Variants in CREG2 observed in about 807,000 individuals in gnomAD.
CREG2 encodes protein CREG2.
CREG2 carries 24 observed loss-of-function variants against 26.2 expected under a neutral mutation model. The observed-to-expected ratio is 0.92, with a 90% confidence interval of 0.66 to 1.29. CREG2 has a LOEUF of 1.29. Ranked by LOEUF, CREG2 falls within the 50% of genes most tolerant of loss-of-function variation. The pLI, the probability that CREG2 is intolerant of heterozygous loss-of-function variation, is 0.00. For synonymous variants in CREG2, 174 were observed against 169.2 expected (o/e 1.03, Z -0.22); for missense variants, 366 against 398.6 (o/e 0.92, Z 0.70).
intron 1 of CREG2, among the ~76,000 whole-genome samples, chr2:101,386,626 T>C (rs1558823672): frequency 6.6e-6 from 1 of 152,090 alleles, no homozygotes; most frequent in Non-Finnish European, 1.5e-5. Flanking sequence ...TTCAGGTCTA[T>C]GGGTTTGTGC....
chr2:101,351,107 T>C, intron 3 of CREG2, 37 bp from the exon 4 acceptor site: 1 of 1,603,892 alleles, frequency 6.2e-7, no homozygotes, highest in Non-Finnish European at 8.5e-7. Flanking sequence ...AAAGCTGCTC[T>C]TATCAGAGAG....
intron 2 of CREG2, among the ~76,000 whole-genome samples, chr2:101,373,320 A>T (rs1195306729): frequency 6.6e-6 from 1 of 152,252 alleles, no homozygotes; most frequent in African/African-American, 2.4e-5. Flanking sequence ...CACATGCTAC[A>T]ACATGATGAA....
intron 2 of CREG2, chr2:101,375,942 A>C (rs1684783155): frequency 6.0e-6 from 1 of 168,056 alleles, no homozygotes; most frequent in African/African-American, 2.4e-5. Flanking sequence ...TGGATCTCAG[A>C]AGGCTGTCAA....
In CREG2 at chr2:101,387,253, T is replaced by C; in HGVS notation, c.205A>G (p.Ile69Val). ...GAGGCGGGGAAGCTTTGCTGCCAGA[T>C]GCTGCCCGAATCCTCTAGCAGCGCG... ...MPALLEDSGS[I>V]WQQSFPASAH... The change falls in exon 1 of 4, where the codon ATC becomes GTC. Residue 69 changes from isoleucine (I) to valine (V), a missense_variant. Physicochemically the swap from Ile to Val is conservative, Grantham distance 29 (BLOSUM62 3). Coordinates refer to ENST00000324768, the MANE Select transcript of CREG2 (RefSeq NM_153836.4). The surrounding 1 kb of genome is among the most constrained non-coding windows in gnomAD (Gnocchi z 4.7). 1 of 1,459,096 alleles carries C rather than the reference T, an allele frequency of 6.9e-7. No individual in the cohort carries two copies. The highest frequency in any genetic ancestry group is 1.5e-5 in the African/African-American group (1 of 68,474). The allele number at this position is 1,459,096 out of a possible 1,614,324, so 90.4% of individuals were successfully genotyped here. A position where few individuals can be genotyped will look rare whatever the true frequency, so the allele number is the denominator to read the frequency against.
chr2:101,352,976 G>A (rs1014793661), intron 3 of CREG2, among the ~76,000 whole-genome samples: 2 of 152,286 alleles, frequency 1.3e-5, no homozygotes, highest in Middle Eastern at 3.4e-3. Context: ...AGCAGAAAAA[G>A]CTACTGAAAG....
rs1202718561 is a variant in CREG2 at position 101,387,431 on chromosome 2, CG to C, written c.26del (p.Pro9ArgfsTer25). The C allele has an allele frequency of 2.4e-6, 3 of 1,247,728 alleles. No homozygotes were observed. The highest frequency in any genetic ancestry group is 3.0e-6 in the Non-Finnish European group (3 of 989,756). The allele number at this position is 1,247,728 out of a possible 1,614,324, so 77.3% of individuals were successfully genotyped here. On this transcript the variant is annotated frameshift_variant, in exon 1 of 4. Coordinates refer to ENST00000324768, the MANE Select transcript of CREG2 (RefSeq NM_153836.4). LOFTEE classifies it high-confidence loss of function. The surrounding 1 kb of genome is among the most constrained non-coding windows in gnomAD (Gnocchi z 4.7). ...AGGAGAGGCGGGTCCCCGGCCGCGC[CG>C]GCCGCCGGCCGCGGCGCACGGACAT... MSVRRGRR[P>X]ARPGTRLSWL... is the part of the protein sequence containing the mutation.
At position 101,354,592 on chromosome 2, in the gene CREG2, C is replaced by T. The variant is rs576578441; in HGVS notation, c.725+661G>A. On this transcript the variant is annotated intron_variant, in intron 3 of 3. Coordinates refer to ENST00000324768, the MANE Select transcript of CREG2 (RefSeq NM_153836.4). ...AGCCTGCACCCCAGCTCCGAGCCTG[C>T]ACTTCCGGCGGTCCCTGCATGGACA... Among the ~76,000 whole-genome samples, 3 of 152,312 alleles carry T rather than the reference C, an allele frequency of 2.0e-5. No homozygotes were observed. In the East Asian group the frequency reaches 5.8e-4, roughly 30 times the overall value.
intron 2 of CREG2, among the ~76,000 whole-genome samples, chr2:101,357,328 G>T (rs775673881): frequency 2.5e-4 from 38 of 152,314 alleles, no homozygotes; most frequent in Non-Finnish European, 1.0e-4. Context: ...TGGCCTGTGG[G>T]GAAGGGAACT....
chr2:101,366,749 G>A (rs1684622859), intron 2 of CREG2, among the ~76,000 whole-genome samples: 1 of 152,128 alleles, frequency 6.6e-6, no homozygotes, highest in African/African-American at 2.4e-5. Flanking sequence ...TTGAACCCAG[G>A]AGATGGAGGT....
At chr2:101,373,054 T>A (rs1481824999) in intron 2 of CREG2, among the ~76,000 whole-genome samples, 1 of 152,136 alleles carries the variant, frequency 6.6e-6, no homozygotes, top group Non-Finnish European at 1.5e-5. Context: ...GTTGGGCAGT[T>A]CTCCAAAAAG....
intron 2 of CREG2, among the ~76,000 whole-genome samples, chr2:101,365,355 G>A (rs374869174): frequency 9.9e-5 from 15 of 152,232 alleles, no homozygotes; most frequent in African/African-American, 3.6e-4. Flanking sequence ...AACTGCCCTT[G>A]AAACTCCAGC....
In CREG2 at chr2:101,358,135, G is replaced by C. The variant is rs80217365; in HGVS notation, c.612-2769C>G. ...GTTTCCCAAATAGCTGGGATTACAG[G>C]CTCACACCACCATGCCTGGCTAAGT... On this transcript the variant is annotated intron_variant, in intron 2 of 3. Coordinates refer to ENST00000324768, the MANE Select transcript of CREG2 (RefSeq NM_153836.4). Among the ~76,000 whole-genome samples the C allele has an allele frequency of 1.5e-3, 226 of 152,228 alleles. 1 individual carries two copies. The highest frequency in any genetic ancestry group is 5.3e-3 in the African/African-American group (222 of 41,566).
chr2:101,377,305 T>C (rs1286876879), intron 2 of CREG2, among the ~76,000 whole-genome samples: 1 of 152,194 alleles, frequency 6.6e-6, no homozygotes, highest in Non-Finnish European at 1.5e-5. Flanking sequence ...AAAACCTCTT[T>C]GGGTTTCATT....
chr2:101,382,952 A>G (rs1684901233), intron 2 of CREG2: 1 of 985,644 alleles, frequency 1.0e-6, no homozygotes, highest in Admixed American at 6.1e-5. Flanking sequence ...CAGGCTTTGC[A>G]TTTTGAATTC....
chr2:101,377,302 C>T (rs979726223), intron 2 of CREG2, among the ~76,000 whole-genome samples: 1 of 152,006 alleles, frequency 6.6e-6, no homozygotes, highest in African/African-American at 2.4e-5. Flanking sequence ...GATAAAACCT[C>T]TTTGGGTTTC....
chr2:101,387,040 C>A lies in CREG2; in HGVS notation c.418G>T (p.Ala140Ser). 2.4e-6 allele frequency: 3 copies of A among 1,231,980 alleles called. No individual in the cohort carries two copies. The South Asian group carries it at 1.2e-4, about 50-fold the overall frequency. 76.3% of individuals were successfully genotyped at this position (1,231,980 alleles called of 1,614,324 possible). A position where few individuals can be genotyped will look rare whatever the true frequency, so the allele number is the denominator to read the frequency against. The change falls in exon 1 of 4, where the codon GCC becomes TCC. Residue 140 changes from alanine to serine, a missense_variant. This residue lies in a region of CREG2 where 15 missense variants were observed against 37.2 expected (regional missense o/e 0.40). Coordinates refer to ENST00000324768, the MANE Select transcript of CREG2 (RefSeq NM_153836.4). The surrounding 1 kb of genome is among the most constrained non-coding windows in gnomAD (Gnocchi z 4.7). ...ACCTTCTTGTGGGTGGACACGGTGG[C>A]CAGGCAGCCCCAGACGCTGGCATGG... The part of the protein sequence containing the change: ...LAHASVWGCL[A>S]TVSTHKKIQG...
chr2:101,370,238 C>T (rs1573310848), intron 2 of CREG2, among the ~76,000 whole-genome samples: 1 of 152,200 alleles, frequency 6.6e-6, no homozygotes, highest in African/African-American at 2.4e-5. Context: ...ATACCATATA[C>T]TGTTCCTCCC....
intron 3 of CREG2, 75 bp from the exon 4 acceptor site, chr2:101,351,145 T>C: frequency 6.9e-7 from 1 of 1,445,852 alleles, no homozygotes; most frequent in Non-Finnish European, 9.4e-7. Flanking sequence ...TCATAGGACC[T>C]CCAGAGTCCA....
intron 2 of CREG2, among the ~76,000 whole-genome samples, chr2:101,373,047 G>A (rs1304132569): frequency 6.6e-6 from 1 of 152,112 alleles, no homozygotes; most frequent in African/African-American, 2.4e-5. Flanking sequence ...GAAAACAGTT[G>A]GGCAGTTCTC....
Sources: gnomAD v4.1 joint callset for allele counts (sites outside exome capture counted in the v4.1 genomes callset) on GRCh38, gnomAD v4.1.1 for gene constraint, gnomAD v4.1.1 regional missense constraint, Gnocchi (gnomAD v3.1) non-coding constraint, MANE v1.5 for transcripts, NCBI Gene and HGNC (gene_info 2026-07-23, HGNC 2026-07-21) for gene names.